P2RY6: variants seen among roughly 807,000 people sequenced by gnomAD.
P2RY6 encodes pyrimidinergic receptor P2Y6.
P2RY6 carries 19 observed loss-of-function variants against 16.3 expected under a neutral mutation model. That is an observed-to-expected ratio of 1.16 (90% CI 0.81 to 1.71). The LOEUF is 1.71. Ranked by LOEUF, P2RY6 falls within the 40% of genes most tolerant of loss-of-function variation. The pLI is 0.00. For missense variants in P2RY6, 389 were observed against 455.5 expected (o/e 0.85, Z 1.33); for synonymous variants, 184 against 201.5 (o/e 0.91, Z 0.74).
intron 1 of P2RY6, among the ~76,000 whole-genome samples, chr11:73,283,785 T>C (rs1038891980): frequency 6.6e-6 from 1 of 152,022 alleles, no homozygotes; most frequent in Non-Finnish European, 1.5e-5. Context: ...GAAGCTTGAT[T>C]GCGCAGGGAG....
chr11:73,285,184 C>T (rs1863920960), intron 1 of P2RY6, among the ~76,000 whole-genome samples: 1 of 152,202 alleles, frequency 6.6e-6, no homozygotes, highest in African/African-American at 2.4e-5. Context: ...GATTTTCCCA[C>T]CTCAGCCTCC....
intron 1 of P2RY6, chr11:73,292,712 G>C: frequency 2.7e-6 from 2 of 730,680 alleles, no homozygotes; most frequent in Non-Finnish European, 3.3e-6. Context: ...GGCACTAGGC[G>C]TGGTGTTGGG....
chr11:73,282,462 C>T lies in P2RY6; in HGVS notation c.-121+9996C>T, dbSNP rs188868061. ...CCCACAGCCTTACCTCCTGCAAGGCCCCTCAGCACCTGCAAACACAAACAC... is the reference window on the plus strand; with the variant it reads ...CCCACAGCCTTACCTCCTGCAAGGCTCCTCAGCACCTGCAAACACAAACAC... On this transcript the variant is annotated intron_variant, in intron 1 of 2. Transcript: ENST00000540124. Among the ~76,000 whole-genome samples the T allele has an allele frequency of 3.5e-4, 53 of 152,296 alleles. No individual in the cohort carries two copies. In the East Asian group the frequency reaches 8.9e-3, roughly 26 times the overall value.
intron 1 of P2RY6, among the ~76,000 whole-genome samples, chr11:73,282,013 C>T (rs1863784241): frequency 1.3e-5 from 2 of 152,228 alleles, no homozygotes; most frequent in African/African-American, 2.4e-5. Context: ...CACCAGCTCC[C>T]TGCAGGGCTA....
At chr11:73,293,039 A>C in intron 1 of P2RY6, 1 of 452,258 alleles carries the variant, frequency 2.2e-6, no homozygotes, top group Non-Finnish European at 2.9e-6. Flanking sequence ...GCATTGACTT[A>C]AAGGAGGGCC....
At chr11:73,271,378 A>G (rs1863301752), upstream of P2RY6, 1 of 152,210 alleles carries the variant, frequency 6.6e-6, no homozygotes, top group South Asian at 2.1e-4. Context: ...AGCTGGGAGC[A>G]TCGGCAGGCT....
upstream of P2RY6, among the ~76,000 whole-genome samples, chr11:73,269,377 C>T (rs1863211279): frequency 1.3e-5 from 2 of 152,196 alleles, no homozygotes; most frequent in East Asian, 1.9e-4. Flanking sequence ...GCTTCCTCCT[C>T]ATCTTATGTA....
At chr11:73,290,333 AAG>A (rs1491436663) in intron 1 of P2RY6, among the ~76,000 whole-genome samples, 41 of 151,068 alleles carry the variant, frequency 2.7e-4, no homozygotes, top group Non-Finnish European at 1.0e-4. Context: ...GAAAGAAAGA[AAG>A]AAAGAAAGAA....
At chr11:73,272,493 A>G in intron 1 of P2RY6, 27 bp downstream of exon 1, 1 of 985,534 alleles carries the variant, frequency 1.0e-6, no homozygotes, top group Non-Finnish European at 1.2e-6. Context: ...CATGCCTGGA[A>G]GGGCTTGCGC....
In P2RY6 at chr11:73,275,064, C is replaced by T. The variant is rs189953584; in HGVS notation, c.-121+2598C>T. ...ATGGGAGGGCAGGGTCTGAGCAAGA[C>T]GCAGTCATTTGGTCTACGGAGATGG... On this transcript the variant is annotated intron_variant, in intron 1 of 2. Transcript: ENST00000540124. Among the ~76,000 whole-genome samples the T allele has an allele frequency of 1.3e-3, 199 of 152,322 alleles. No individual in the cohort carries two copies. In the Middle Eastern group the frequency reaches 0.034, roughly 26 times the overall value.
chr11:73,290,825 C>T (rs1270064060), intron 1 of P2RY6, among the ~76,000 whole-genome samples: 1 of 152,384 alleles, frequency 6.6e-6, no homozygotes, highest in African/African-American at 2.4e-5. Context: ...TAGCCAGGTC[C>T]ATGGGCAAAG....
At chr11:73,285,291 C>T (rs1206440871) in intron 1 of P2RY6, among the ~76,000 whole-genome samples, 1 of 152,234 alleles carries the variant, frequency 6.6e-6, no homozygotes, top group African/African-American at 2.4e-5. Context: ...CCAGCCTGGT[C>T]TCGAACTTCT....
rs554823613 is a variant in P2RY6 at position 73,290,171 on chromosome 11, G to A, written c.-120-5559G>A. ...TGGGAGGCGGAAGTTGCAGTGAGCC[G>A]AGATCGTGCCATTGTACTCCAGCCT... is the stretch of plus-strand genomic sequence containing the variant. On this transcript the variant is annotated intron_variant, in intron 1 of 2. Transcript: ENST00000540124. Among the ~76,000 whole-genome samples the A allele has an allele frequency of 1.6e-4, 25 of 151,886 alleles. No homozygotes were observed. The East Asian group carries it at 3.7e-3, about 22-fold the overall frequency.
At chr11:73,295,679 T>G (rs918736286) in intron 1 of P2RY6, 51 bp from the exon 2 acceptor site, 2 of 739,202 alleles carry the variant, frequency 2.7e-6, no homozygotes, top group African/African-American at 3.8e-5. Context: ...TAGCCTCAAG[T>G]GGAAAGAAGC....
chr11:73,272,692 G>T (rs760277169), intron 1 of P2RY6, among the ~76,000 whole-genome samples: 1 of 152,240 alleles, frequency 6.6e-6, no homozygotes, highest in Non-Finnish European at 1.5e-5. Flanking sequence ...CAGTGGGGGC[G>T]GGGAGGAGAT....
intron 1 of P2RY6, among the ~76,000 whole-genome samples, chr11:73,287,308 C>T (rs191297493): frequency 4.6e-5 from 7 of 152,328 alleles, no homozygotes; most frequent in East Asian, 1.9e-4. Flanking sequence ...CCAGTAAAAG[C>T]GCCAGAATTG....
chr11:73,278,220 G>A (rs905397555), intron 1 of P2RY6, among the ~76,000 whole-genome samples: 5 of 151,936 alleles, frequency 3.3e-5, no homozygotes, highest in African/African-American at 1.2e-4. Flanking sequence ...CACCCAAGCT[G>A]GAGTGCAGTG....
chr11:73,273,508 TCCC>T (rs1863406508), intron 1 of P2RY6, among the ~76,000 whole-genome samples: 1 of 152,116 alleles, frequency 6.6e-6, no homozygotes, highest in Non-Finnish European at 1.5e-5. Context: ...AACTCTACAC[TCCC>T]CTCGACTCCC....
At chr11:73,284,121 T>A (rs987337071) in intron 1 of P2RY6, among the ~76,000 whole-genome samples, 33 of 152,142 alleles carry the variant, frequency 2.2e-4, no homozygotes, top group African/African-American at 8.0e-4. Context: ...GGGCCAAGGC[T>A]TAGAAGACAG....
Sources: gnomAD v4.1 joint callset for allele counts (sites outside exome capture counted in the v4.1 genomes callset) on GRCh38, gnomAD v4.1.1 for gene constraint, MANE v1.5 for transcripts, NCBI Gene and HGNC (gene_info 2026-07-23, HGNC 2026-07-21) for gene names.